AKAP12: variants seen among roughly 807,000 people sequenced by gnomAD.
The protein encoded by AKAP12 is A-kinase anchor protein 12.
In AKAP12, 32 loss-of-function variants were observed where a neutral mutation model predicts 79.9. The ratio of observed to expected loss-of-function variants is 0.40; its 90% CI spans 0.30 to 0.54. AKAP12 has a LOEUF of 0.54. Ranked by LOEUF, AKAP12 falls within the 20% of genes least tolerant of loss-of-function variation. The pLI, the probability that AKAP12 is intolerant of heterozygous loss-of-function variation, is 0.48. For missense variants in AKAP12, 2,074 were observed against 2,177.0 expected, an observed-to-expected ratio of 0.95 and a Z score of 0.94; for synonymous variants, 808 against 857.0, an observed-to-expected ratio of 0.94 and a Z score of 1.00.
intron 3 of AKAP12, among the ~76,000 whole-genome samples, chr6:151,330,207 C>A (rs1777631207): frequency 6.6e-6 from 1 of 152,108 alleles, no homozygotes; most frequent in Admixed American, 6.6e-5. Flanking sequence ...GCCTGTAGTC[C>A]CAGTCACTTG....
intron 2 of AKAP12, among the ~76,000 whole-genome samples, chr6:151,244,448 CG>C (rs533359637): frequency 5.3e-4 from 80 of 152,226 alleles, no homozygotes; most frequent in African/African-American, 1.8e-3. Context: ...GGCGTGAACT[CG>C]GGAAGCGGAG....
intron 3 of AKAP12, among the ~76,000 whole-genome samples, chr6:151,310,252 C>CT (rs1412462176): frequency 3.9e-5 from 6 of 152,084 alleles, no homozygotes; most frequent in Non-Finnish European, 8.8e-5. Flanking sequence ...GATATCCCAG[C>CT]TACTCATGAG....
At chr6:151,332,849 T>A in intron 3 of AKAP12, among the ~76,000 whole-genome samples, 1 of 152,254 alleles carries the variant, frequency 6.6e-6, no homozygotes, top group East Asian at 1.9e-4. Flanking sequence ...GAATTGTTTC[T>A]GGCCGAACCT....
Position 151,352,548 on chromosome 6 carries a change from C to T in AKAP12, c.4157C>T (p.Ala1386Val), listed in dbSNP as rs771028667. Residue 1386 changes from alanine to valine, a missense_variant, in exon 4 of 5, where the codon GCA (alanine) becomes GTA (valine). Physicochemically the swap from Ala to Val is moderately conservative, Grantham distance 64 (BLOSUM62 0). Around this residue, in one of 3 missense-constraint regions of AKAP12, gnomAD observed 614 missense variants for 665.6 expected, o/e 0.92. Transcript: ENST00000402676. ...QTVNVPIIDG[A>V]KEVSSLEGSP... ...GTGAATGTGCCCATCATAGATGGGGCAAAGGAAGTCAGCAGTTTGGAAGGA... is the reference window on the plus strand; with the variant it reads ...GTGAATGTGCCCATCATAGATGGGGTAAAGGAAGTCAGCAGTTTGGAAGGA... The T allele has an allele frequency of 1.2e-5, 20 of 1,613,948 alleles. No homozygotes were observed. The South Asian group carries it at 1.9e-4, about 15-fold the overall frequency.
intron 2 of AKAP12, among the ~76,000 whole-genome samples, chr6:151,288,151 C>T (rs13220913): frequency 0.27 from 39,887 of 150,124 alleles, 6,650 homozygotes; most frequent in Non-Finnish European, 0.39. Flanking sequence ...CACCATGGCA[C>T]GTGTATACCT....
At chr6:151,332,033 G>GTTGTTTTTTTTTTTTTTT (rs1303327962) in intron 3 of AKAP12, among the ~76,000 whole-genome samples, 3 of 79,690 alleles carry the variant, frequency 3.8e-5, no homozygotes, top group African/African-American at 5.4e-5. Context: ...TTCTGGGTCT[G>GTTGTTTTTTTTTTTTTTT]TTTTTTTTTT....
chr6:151,293,375 T>C (rs1271588812), intron 2 of AKAP12, among the ~76,000 whole-genome samples: 1 of 152,220 alleles, frequency 6.6e-6, no homozygotes, highest in African/African-American at 2.4e-5. Flanking sequence ...ATTGCCAGAA[T>C]TGTCAGAAAT....
intron 2 of AKAP12, among the ~76,000 whole-genome samples, chr6:151,278,191 TG>T (rs1437322248): frequency 6.9e-6 from 1 of 144,144 alleles, no homozygotes; most frequent in African/African-American, 2.5e-5. Context: ...TCAGATGTTG[TG>T]TTTTTTTTGG....
intron 2 of AKAP12, among the ~76,000 whole-genome samples, chr6:151,250,161 C>G (rs1416864210): frequency 1.3e-5 from 2 of 151,942 alleles, no homozygotes; most frequent in Non-Finnish European, 1.5e-5. Context: ...GGGAAGATCA[C>G]TAGAGCCCGG....
chr6:151,340,624 C>A (rs1777921616), intron 3 of AKAP12, among the ~76,000 whole-genome samples: 1 of 53,708 alleles, frequency 1.9e-5, no homozygotes, highest in Non-Finnish European at 3.2e-5. Context: ...TGACTGATAG[C>A]CTCATGGGCG....
Position 151,305,890 on chromosome 6 carries a change from C to A in AKAP12, c.306C>A (p.Val102=), listed in dbSNP as rs573913921. Residue 102 remains valine (V), a synonymous_variant, in exon 3 of 5, where the codon GTC becomes GTA. Transcript: ENST00000402676. ...GALNSQEEEE[V]IVTEVGQRDS... ...TAAACAGCCAGGAGGAAGAAGAAGT[C>A]ATTGTCACAGAGGGTAAGCCGCCCC... 220 of 1,610,672 alleles carry A rather than the reference C, an allele frequency of 1.4e-4. 4 individuals carry two copies. The South Asian group carries it at 2.3e-3, about 17-fold the overall frequency.
chr6:151,348,697 C>CCCCCCCCTT lies in AKAP12; in HGVS notation c.320-14_320-13insCCCCCCCTT. ...TTCTCTTCTCCCCACCCCCCCGCCCCTTTTTGTTAATAGTTGGACAGAGAG... is the reference window on the plus strand; with the variant it reads ...TTCTCTTCTCCCCACCCCCCCGCCCCCCCCCCCTTTTTTTGTTAATAGTTGGACAGAGAG... On this transcript the variant is annotated splice_polypyrimidine_tract_variant and intron_variant, in intron 3 of 4. Transcript: ENST00000402676. The CCCCCCCCTT allele has an allele frequency of 1.5e-6, 1 of 650,664 alleles. No homozygotes were observed. The highest frequency in any genetic ancestry group is 2.4e-6 in the Non-Finnish European group (1 of 420,006). 40.3% of individuals were successfully genotyped at this position (650,664 alleles called of 1,614,324 possible). A position where few individuals can be genotyped will look rare whatever the true frequency, so the allele number is the denominator to read the frequency against.
intron 3 of AKAP12, among the ~76,000 whole-genome samples, chr6:151,334,890 T>C (rs1777773718): frequency 6.6e-6 from 1 of 152,270 alleles, no homozygotes; most frequent in Admixed American, 6.5e-5. Context: ...CCTAGAGTGC[T>C]GGGATTACAG....
intron 3 of AKAP12, among the ~76,000 whole-genome samples, chr6:151,330,504 T>TG (rs1191207174): frequency 1.3e-5 from 2 of 152,070 alleles, no homozygotes; most frequent in Admixed American, 1.3e-4. Flanking sequence ...CTACGAATCT[T>TG]GGGGGAAAGA....
At chr6:151,344,750 T>C (rs1312152441) in intron 3 of AKAP12, among the ~76,000 whole-genome samples, 6 of 152,104 alleles carry the variant, frequency 3.9e-5, no homozygotes, top group African/African-American at 7.2e-5. Flanking sequence ...GCCAGCCTGC[T>C]CTCAAACTCC....
At chr6:151,325,333 T>G (rs1318499121) in intron 3 of AKAP12, 1 of 985,326 alleles carries the variant, frequency 1.0e-6, no homozygotes, top group Non-Finnish European at 1.2e-6. Context: ...TTGAAATGAC[T>G]TAAAAAGCTG....
rs1025343420 is a variant in AKAP12, at chr6:151,351,875, T to A, written c.3484T>A (p.Ser1162Thr). The change falls in exon 4 of 5, where the codon TCG (serine) becomes ACG (threonine). Residue 1162 changes from serine (S) to threonine (T), a missense_variant. Physicochemically the swap from Ser to Thr is moderately conservative, Grantham distance 58. Coordinates refer to ENST00000402676, the MANE Select transcript of AKAP12 (RefSeq NM_005100.4). The surrounding 1 kb of genome is among the most constrained non-coding windows in gnomAD (Gnocchi z 4.4). ...GATGGAACAGGCTATCCCCCCTGAC[T>A]CGGTGGAAACCCCTACAGACAGTGA... Reference protein sequence around the residue: ...MVMEQAIPPDSVETPTDSETD... With the variant: ...MVMEQAIPPDTVETPTDSETD... 6.2e-7 allele frequency: 1 copy of A among 1,613,950 alleles called. No individual in the cohort carries two copies. Among genetic ancestry groups the A allele is most frequent in the African/African-American group, 1.3e-5 (1 of 74,984 alleles).
At chr6:151,306,901 G>A (rs1414537759) in intron 3 of AKAP12, among the ~76,000 whole-genome samples, 1 of 152,210 alleles carries the variant, frequency 6.6e-6, no homozygotes, top group African/African-American at 2.4e-5. Flanking sequence ...GATTGGAATG[G>A]ACCCAACTCA....
At chr6:151,354,014 GC>G (rs2114834312) in intron 4 of AKAP12, among the ~76,000 whole-genome samples, 1 of 152,230 alleles carries the variant, frequency 6.6e-6, no homozygotes, top group East Asian at 1.9e-4. Context: ...AAATAAAACG[GC>G]ATGTGTGTGT....
Sources: gnomAD v4.1 joint callset for allele counts (sites outside exome capture counted in the v4.1 genomes callset) on GRCh38, gnomAD v4.1.1 for gene constraint, gnomAD v4.1.1 regional missense constraint, Gnocchi (gnomAD v3.1) non-coding constraint, MANE v1.5 for transcripts, NCBI Gene and HGNC (gene_info 2026-07-23, HGNC 2026-07-21) for gene names.